Variants in FGD3 observed in about 807,000 individuals in gnomAD.
The protein encoded by FGD3 is FYVE, RhoGEF and PH domain containing 3.
FGD3 carries 45 observed loss-of-function variants against 71.8 expected under a neutral mutation model. The observed-to-expected ratio is 0.63, with a 90% confidence interval of 0.49 to 0.80. The LOEUF (loss-of-function observed/expected upper bound fraction) is 0.80. Ranked by LOEUF, FGD3 falls within the 30% of genes least tolerant of loss-of-function variation. The pLI is 0.00. For synonymous variants in FGD3, 378 were observed against 392.8 expected (o/e 0.96, Z 0.44); for missense variants, 844 against 951.5 (o/e 0.89, Z 1.49).
At chr9:93,019,352 C>G (rs1021341062) in intron 11 of FGD3, among the ~76,000 whole-genome samples, 1 of 152,202 alleles carries the variant, frequency 6.6e-6, no homozygotes, top group African/African-American at 2.4e-5. Context: ...GCGCTCCTCC[C>G]GAACCTGGCC....
intron 15 of FGD3, among the ~76,000 whole-genome samples, chr9:93,031,499 G>T (rs991604018): frequency 1.6e-4 from 24 of 152,208 alleles, no homozygotes; most frequent in Admixed American, 3.9e-4. Flanking sequence ...GGCTTTCATT[G>T]CCTTGGTTTG....
At chr9:92,986,664 G>A (rs75086917) in intron 3 of FGD3, among the ~76,000 whole-genome samples, 5,289 of 152,326 alleles carry the variant, frequency 0.035, 258 homozygotes, top group African/African-American at 0.11. Flanking sequence ...AAAGCAAGTA[G>A]GCAGGGTCCT....
Position 92,976,663 on chromosome 9 carries a change from C to T in FGD3, c.407C>T (p.Ser136Phe), listed in dbSNP as rs569727530. 1 of 1,609,754 alleles carries T rather than the reference C, an allele frequency of 6.2e-7. No homozygotes were observed. Among genetic ancestry groups the T allele is most frequent in the African/African-American group, 1.3e-5 (1 of 75,010 alleles). Reference protein sequence around the residue: ...ADSDVGEEPDSENTPQKADKD... With the variant: ...ADSDVGEEPDFENTPQKADKD... ...AGCGACGTGGGTGAGGAACCTGACT[C>T]TGAGAACACCCCCCAGAAGGCTGAC... Residue 136 changes from serine to phenylalanine, a missense_variant, in exon 3 of 18, where the codon TCT (serine) becomes TTT (phenylalanine). Coordinates refer to ENST00000375482, the MANE Select transcript of FGD3 (RefSeq NM_001083536.2).
At chr9:93,004,396 C>T (rs771706981) in intron 5 of FGD3, among the ~76,000 whole-genome samples, 1 of 152,212 alleles carries the variant, frequency 6.6e-6, no homozygotes, top group Non-Finnish European at 1.5e-5. Flanking sequence ...CCACTTGGGG[C>T]TCTGAAACTA....
intron 3 of FGD3, among the ~76,000 whole-genome samples, chr9:92,987,850 T>C (rs1290909543): frequency 1.3e-5 from 2 of 152,202 alleles, no homozygotes; most frequent in African/African-American, 4.8e-5. Flanking sequence ...CACTTCACCA[T>C]TTCGCCCCTT....
chr9:92,959,215 C>T (rs888871646), intron 1 of FGD3, among the ~76,000 whole-genome samples: 1 of 152,124 alleles, frequency 6.6e-6, no homozygotes, highest in African/African-American at 2.4e-5. Flanking sequence ...CCCACCTTGG[C>T]CTCCCAAAGT....
At position 93,014,011 on chromosome 9, in the gene FGD3, C is replaced by T; in HGVS notation, c.1182+13C>T. 5 of 1,595,266 alleles carry T rather than the reference C, an allele frequency of 3.1e-6. No homozygotes were observed. Among genetic ancestry groups the T allele is most frequent in the African/African-American group, 2.7e-5 (2 of 74,074 alleles). On this transcript the variant is annotated intron_variant, in intron 9 of 17. Coordinates refer to ENST00000375482, the MANE Select transcript of FGD3 (RefSeq NM_001083536.2). ...CCACCTCTTCCTGGTGAGCCTGGCC[C>T]CTGCCAGCCCAGCCGCAGAGCCTCC...
chr9:93,032,439 G>C (rs1587875656), intron 15 of FGD3: 1 of 266,728 alleles, frequency 3.7e-6, no homozygotes, highest in East Asian at 7.0e-5. Context: ...TTATGAATTT[G>C]ATTTGCGTTT....
rs1451484261 is a variant in FGD3, at chr9:93,035,531, C to T, written c.2120C>T (p.Ala707Val). 8 of 1,610,752 alleles carry T rather than the reference C, an allele frequency of 5.0e-6. No homozygotes were observed. The highest frequency in any genetic ancestry group is 6.8e-6 in the Non-Finnish European group (8 of 1,179,778). The change falls in exon 18 of 18, where the codon GCC becomes GTC. Residue 707 changes from alanine to valine, a missense_variant. Ala to Val is a moderately conservative substitution (Grantham distance 64). Transcript: ENST00000375482. Reference sequence around the variant, plus strand: ...AGCACTGCTGCCCATGGGGACACGGCCCAGGACAGCCCGGGGGCCCTGCAG... The same window carrying T: ...AGCACTGCTGCCCATGGGGACACGGTCCAGGACAGCCCGGGGGCCCTGCAG... ...TLSTAAHGDTAQDSPGALQLQ... is the reference protein window; with the variant it reads ...TLSTAAHGDTVQDSPGALQLQ...
chr9:93,014,108 G>C, intron 9 of FGD3, 110 bp downstream of exon 9: 1 of 1,376,518 alleles, frequency 7.3e-7, no homozygotes, highest in East Asian at 2.6e-5. Context: ...CTCTTCTGTG[G>C]CCTCTCCTAC....
intron 16 of FGD3, chr9:93,033,431 T>A (rs1233394586): frequency 5.8e-6 from 1 of 172,732 alleles, no homozygotes; most frequent in Non-Finnish European, 1.2e-5. Context: ...CTGCTCCTTC[T>A]CCTCCCCGTA....
intron 3 of FGD3, among the ~76,000 whole-genome samples, chr9:92,979,902 G>A (rs1859918719): frequency 6.7e-6 from 1 of 149,216 alleles, no homozygotes; most frequent in South Asian, 2.1e-4. Flanking sequence ...TATTTCTGTG[G>A]CACCTCTTGT....
At chr9:92,999,576 G>A (rs763921018) in intron 3 of FGD3, among the ~76,000 whole-genome samples, 27 of 149,084 alleles carry the variant, frequency 1.8e-4, no homozygotes, top group Middle Eastern at 7.1e-3. Context: ...TTCCTATTCA[G>A]CCATCTTGGA....
At chr9:93,011,444 T>C (rs1338541060) in intron 8 of FGD3, among the ~76,000 whole-genome samples, 172 bp downstream of exon 8, 2 of 152,216 alleles carry the variant, frequency 1.3e-5, no homozygotes, top group African/African-American at 4.8e-5. Flanking sequence ...GCCCCGCCCC[T>C]TGCTATAATA....
At chr9:92,965,423 G>C (rs1343233471) in intron 1 of FGD3, among the ~76,000 whole-genome samples, 1 of 152,232 alleles carries the variant, frequency 6.6e-6, no homozygotes, top group African/African-American at 2.4e-5. Context: ...TTCACAACTT[G>C]CTCAGTGGCC....
At chr9:92,979,954 C>CTT (rs577038256) in intron 3 of FGD3, among the ~76,000 whole-genome samples, 2,828 of 143,416 alleles carry the variant, frequency 0.02, 107 homozygotes, top group African/African-American at 0.068. Flanking sequence ...CTCTCTCTCT[C>CTT]TTTTTTTTTT....
At chr9:92,961,365 C>A (rs1859164516) in intron 1 of FGD3, among the ~76,000 whole-genome samples, 1 of 152,180 alleles carries the variant, frequency 6.6e-6, no homozygotes, top group Non-Finnish European at 1.5e-5. Context: ...GATTGAATAG[C>A]ACCAATGGAT....
chr9:93,001,665 G>T (rs780162273), intron 3 of FGD3, among the ~76,000 whole-genome samples: 2 of 152,140 alleles, frequency 1.3e-5, no homozygotes, highest in Non-Finnish European at 2.9e-5. Context: ...ATTATGCAAG[G>T]CTCCTACTGA....
intron 13 of FGD3, among the ~76,000 whole-genome samples, chr9:93,020,878 T>C (rs1861892131): frequency 6.6e-6 from 1 of 152,210 alleles, no homozygotes; most frequent in Non-Finnish European, 1.5e-5. Context: ...TAAGTGCCGC[T>C]GCAGCCTGCT....
Sources: allele counts gnomAD v4.1 joint callset (sites outside exome capture counted in the v4.1 genomes callset), GRCh38; gene constraint gnomAD v4.1.1; transcripts MANE v1.5; gene names NCBI Gene and HGNC (gene_info 2026-07-23, HGNC 2026-07-21).